The following NFU1 variants were observed in gnomAD, a reference collection of about 807,000 sequenced individuals.
NFU1 encodes NFU1 iron-sulfur cluster scaffold.
A neutral mutation model predicts 32.2 loss-of-function variants in NFU1; 30 were observed. The observed-to-expected ratio is 0.93, with a 90% CI of 0.70 to 1.26. The LOEUF (loss-of-function observed/expected upper bound fraction) is 1.26, where lower values mean the gene tolerates loss of function less well. Among genes scored for constraint, NFU1 ranks in the 50% most tolerant of loss-of-function variants. NFU1 has a pLI of 0.00. For missense variants in NFU1, 306 were observed against 306.6 expected, an observed-to-expected ratio of 1.00 and a Z score of 0.02; for synonymous variants, 112 against 104.6, an observed-to-expected ratio of 1.07 and a Z score of -0.43.
At chr2:69,410,296 G>A (rs556730065) in intron 5 of NFU1, among the ~76,000 whole-genome samples, 158 of 152,250 alleles carry the variant, frequency 1.0e-3, no homozygotes, top group African/African-American at 3.7e-3. Flanking sequence ...GGCTGAGGCA[G>A]GAGAATCGCT....
At chr2:69,425,877 A>T (rs898613916) in intron 2 of NFU1, among the ~76,000 whole-genome samples, 5 of 152,188 alleles carry the variant, frequency 3.3e-5, no homozygotes, top group Non-Finnish European at 7.3e-5. Context: ...AGGCTTAGAG[A>T]TATTAATTAA....
At chr2:69,412,066 C>T (rs1421185664) in intron 5 of NFU1, among the ~76,000 whole-genome samples, 11 of 151,938 alleles carry the variant, frequency 7.2e-5, no homozygotes, top group African/African-American at 2.4e-4. Context: ...AATTTTTTGG[C>T]GGGGGGACGG....
At position 69,437,374 on chromosome 2, in the gene NFU1, C is replaced by T. The variant is rs757223116; in HGVS notation, c.49G>A (p.Gly17Arg). 2.5e-6 allele frequency: 4 copies of T among 1,608,380 alleles called. No homozygotes were observed. Among genetic ancestry groups the T allele is most frequent in the Admixed American group, 3.4e-5 (2 of 59,698 alleles). ...CTCGTCACCTACCGCCTGCGCAGCC[C>T]GGCGGCAACAGCCGCAGCTCCCCAG... is the stretch of plus-strand genomic sequence containing the variant. The part of the protein sequence containing the change: ...RGWGAAAVAA[G>R]LRRRFCHMLK... The change falls in exon 1 of 8, where the codon GGG becomes AGG. Residue 17 changes from glycine to arginine, a missense_variant. By Grantham distance (125) the Gly-to-Arg change is moderately radical. Coordinates refer to ENST00000410022, the MANE Select transcript of NFU1 (RefSeq NM_001002755.4).
chr2:69,433,746 G>A (rs1262347498), intron 1 of NFU1, among the ~76,000 whole-genome samples: 1 of 152,132 alleles, frequency 6.6e-6, no homozygotes, highest in South Asian at 2.1e-4. Context: ...AAAATGCTGG[G>A]ATTACACAGC....
At chr2:69,420,197 G>A (rs1486753845) in intron 3 of NFU1, among the ~76,000 whole-genome samples, 1 of 151,942 alleles carries the variant, frequency 6.6e-6, no homozygotes, top group Non-Finnish European at 1.5e-5. Flanking sequence ...TAGAGATGGG[G>A]TTTCACCATG....
At chr2:69,403,483 C>T (rs995715994) in intron 6 of NFU1, among the ~76,000 whole-genome samples, 1 of 151,768 alleles carries the variant, frequency 6.6e-6, no homozygotes, top group Non-Finnish European at 1.5e-5. Context: ...CTCAATCTCC[C>T]GGGCTCAAGC....
At chr2:69,421,562 C>CTTTTTTTTTTT (rs763705011) in intron 3 of NFU1, among the ~76,000 whole-genome samples, 8 of 70,742 alleles carry the variant, frequency 1.1e-4, no homozygotes, top group Non-Finnish European at 1.7e-4. Flanking sequence ...ATCATTTGTG[C>CTTTTTTTTTTT]TTTTTTTTTT....
chr2:69,428,685 G>C (rs913685945), intron 2 of NFU1, among the ~76,000 whole-genome samples: 1 of 151,946 alleles, frequency 6.6e-6, no homozygotes, highest in African/African-American at 2.4e-5. Flanking sequence ...ACATTGCCAG[G>C]CATAATAGGA....
chr2:69,417,031 T>C (rs1673078814), intron 4 of NFU1, among the ~76,000 whole-genome samples: 1 of 152,172 alleles, frequency 6.6e-6, no homozygotes, highest in Admixed American at 6.6e-5. Flanking sequence ...AGGTAATAAA[T>C]TATTTGGAAA....
intron 5 of NFU1, among the ~76,000 whole-genome samples, chr2:69,411,321 T>C (rs1011552833): frequency 6.6e-6 from 1 of 152,142 alleles, no homozygotes; most frequent in African/African-American, 2.4e-5. Context: ...AATACAACAG[T>C]ATCAGCAAAT....
intron 3 of NFU1, among the ~76,000 whole-genome samples, chr2:69,423,146 TTGTG>T (rs1169374450): frequency 2.3e-4 from 30 of 132,130 alleles, no homozygotes; most frequent in Admixed American, 5.3e-4. Flanking sequence ...TCAGCTAAAT[TTGTG>T]TGTGTGTGTG....
At chr2:69,400,046 AT>A (rs1317182372) in intron 7 of NFU1, among the ~76,000 whole-genome samples, 1 of 152,020 alleles carries the variant, frequency 6.6e-6, no homozygotes, top group Non-Finnish European at 1.5e-5. Flanking sequence ...CTAATTTTGT[AT>A]TTTTAGTAGA....
At chr2:69,427,400 G>A (rs1411276170) in intron 2 of NFU1, among the ~76,000 whole-genome samples, 1 of 148,962 alleles carries the variant, frequency 6.7e-6, no homozygotes, top group Non-Finnish European at 1.5e-5. Context: ...AAAAATAGAA[G>A]GCCAGGCATG....
intron 3 of NFU1, among the ~76,000 whole-genome samples, chr2:69,421,196 AAAGTGAAACCTTATCTC>A (rs1673227800): frequency 6.6e-6 from 1 of 152,140 alleles, no homozygotes; most frequent in Non-Finnish European, 1.5e-5. Context: ...CTGGGCAACA[AAAGTGAAACCTTATCTC>A]AAAAAATAAA....
At chr2:69,415,682 C>T (rs1460795695) in intron 4 of NFU1, among the ~76,000 whole-genome samples, 1 of 152,112 alleles carries the variant, frequency 6.6e-6, no homozygotes, top group Non-Finnish European at 1.5e-5. Context: ...CAGTATAACA[C>T]AAGATATTTA....
chr2:69,427,497 T>C (rs1468506841), intron 2 of NFU1, among the ~76,000 whole-genome samples: 1 of 151,288 alleles, frequency 6.6e-6, no homozygotes, highest in Non-Finnish European at 1.5e-5. Context: ...CTAGCCAACA[T>C]GGTGAAAACC....
chr2:69,412,773 G>A (rs1390001407), intron 5 of NFU1, among the ~76,000 whole-genome samples: 1 of 149,876 alleles, frequency 6.7e-6, no homozygotes, highest in African/African-American at 2.5e-5. Context: ...CAGGAGGATT[G>A]CTTAAGCCTG....
At chr2:69,439,272 T>C (rs1673980191), upstream of NFU1, among the ~76,000 whole-genome samples, 1 of 152,158 alleles carries the variant, frequency 6.6e-6, no homozygotes, top group African/African-American at 2.4e-5. Flanking sequence ...ATTGGTGGGT[T>C]CTTGGTCTCG....
chr2:69,410,204 C>A lies in NFU1; in HGVS notation c.485-4122G>T, dbSNP rs549035089. On this transcript the variant is annotated intron_variant, in intron 5 of 7. Transcript: ENST00000410022. ...AGGAGTTCTAGAGCAGCCTGGCCAA[C>A]ATGGTGAAACCCTATCTCTACTAAA... Among the ~76,000 whole-genome samples the A allele has an allele frequency of 1.6e-4, 25 of 152,268 alleles. No homozygotes were observed. The South Asian group carries it at 5.0e-3, about 30-fold the overall frequency.
Sources: allele counts gnomAD v4.1 joint callset (sites outside exome capture counted in the v4.1 genomes callset), GRCh38; gene constraint gnomAD v4.1.1; transcripts MANE v1.5; gene names NCBI Gene and HGNC (gene_info 2026-07-23, HGNC 2026-07-21).